Variants in SUGCT observed in about 807,000 individuals in gnomAD.
SUGCT encodes the protein succinyl-CoA:glutarate CoA-transferase.
Under a neutral mutation model 55.0 loss-of-function variants are expected in SUGCT, and 41 were observed. That is an observed-to-expected ratio of 0.74 (90% CI 0.58 to 0.97). The LOEUF (loss-of-function observed/expected upper bound fraction) is 0.97. Ranked by LOEUF, SUGCT falls within the 50% of genes least tolerant of loss-of-function variation. SUGCT has a pLI of 0.00. For missense variants in SUGCT, 568 were observed against 547.8 expected (o/e 1.04, Z -0.37); for synonymous variants, 187 against 200.4 (o/e 0.93, Z 0.56).
intron 9 of SUGCT, among the ~76,000 whole-genome samples, chr7:40,404,783 A>G: frequency 6.6e-6 from 1 of 152,044 alleles, no homozygotes; most frequent in Non-Finnish European, 1.5e-5. Flanking sequence ...GGAGATTTTG[A>G]TCCATATTTT....
intron 12 of SUGCT, among the ~76,000 whole-genome samples, chr7:40,681,707 A>T (rs1041792970): frequency 2.6e-5 from 4 of 152,156 alleles, no homozygotes; most frequent in Admixed American, 2.6e-4. Flanking sequence ...TTTGACCTCA[A>T]AAGGCAGGAC....
Position 40,744,804 on chromosome 7 carries a change from T to G in SUGCT, c.1090-4630T>G, listed in dbSNP as rs936836861. ...CATTGTTATTTTTAACCTTAACATC[T>G]AATTTCAACATTATCTTTGTTCTCT... On this transcript the variant is annotated intron_variant, in intron 12 of 13. Coordinates refer to ENST00000335693, the MANE Select transcript of SUGCT (RefSeq NM_001193313.2). Among the ~76,000 whole-genome samples the G allele has an allele frequency of 8.5e-5, 13 of 152,342 alleles. No homozygotes were observed. In the East Asian group the frequency reaches 2.5e-3, roughly 29 times the overall value.
chr7:40,182,273 G>A (rs1348399265), intron 3 of SUGCT, among the ~76,000 whole-genome samples: 1 of 152,044 alleles, frequency 6.6e-6, no homozygotes, highest in African/African-American at 2.4e-5. Flanking sequence ...GAAGGCTTTT[G>A]TTAGAAGCTG....
intron 6 of SUGCT, among the ~76,000 whole-genome samples, chr7:40,227,505 C>T (rs1377718148): frequency 6.6e-6 from 1 of 152,168 alleles, no homozygotes; most frequent in Admixed American, 6.5e-5. Context: ...GCTAGGACTA[C>T]ATGTGTGTGC....
At chr7:40,691,702 CA>C (rs1784707337) in intron 12 of SUGCT, among the ~76,000 whole-genome samples, 1 of 152,148 alleles carries the variant, frequency 6.6e-6, no homozygotes. Flanking sequence ...AATGGAAAGT[CA>C]AATGGATGTC....
intron 12 of SUGCT, among the ~76,000 whole-genome samples, chr7:40,662,994 T>C (rs1305488476): frequency 6.6e-6 from 1 of 152,190 alleles, no homozygotes; most frequent in Admixed American, 6.5e-5. Flanking sequence ...CAATTATAAC[T>C]GAGAATTCAA....
At chr7:40,841,341 T>A (rs1353101480) in intron 13 of SUGCT, among the ~76,000 whole-genome samples, 1 of 152,116 alleles carries the variant, frequency 6.6e-6, no homozygotes, top group African/African-American at 2.4e-5. Flanking sequence ...GACCTAAGAG[T>A]ATTTATATTT....
At chr7:40,776,141 C>G (rs1224797635) in intron 13 of SUGCT, among the ~76,000 whole-genome samples, 1 of 152,168 alleles carries the variant, frequency 6.6e-6, no homozygotes, top group Non-Finnish European at 1.5e-5. Context: ...ATCCACGTGT[C>G]TGAGAACTAA....
intron 1 of SUGCT, among the ~76,000 whole-genome samples, chr7:40,171,105 G>A (rs1383008457): frequency 6.6e-6 from 1 of 152,176 alleles, no homozygotes; most frequent in Admixed American, 6.6e-5. Context: ...GCCCACTAGG[G>A]CCTTTGTCCT....
intron 9 of SUGCT, among the ~76,000 whole-genome samples, chr7:40,344,421 C>A (rs1797209877): frequency 6.6e-6 from 1 of 151,930 alleles, no homozygotes; most frequent in South Asian, 2.1e-4. Flanking sequence ...TTTATGTGAC[C>A]CATGAGCTAC....
In SUGCT at chr7:40,394,389, C is replaced by G. The variant is rs1785605130; in HGVS notation, c.817-54898C>G. On this transcript the variant is annotated intron_variant, in intron 9 of 13. Coordinates refer to ENST00000335693, the MANE Select transcript of SUGCT (RefSeq NM_001193313.2). ...CCCTGTTGCAACTACTTAATTCACACTGCAAAAGGAACATAGATAATAGAT... is the reference window on the plus strand; with the variant it reads ...CCCTGTTGCAACTACTTAATTCACAGTGCAAAAGGAACATAGATAATAGAT... 2.0e-5 allele frequency among the ~76,000 whole-genome samples: 3 copies of G among 152,142 alleles called. No homozygotes were observed. In the East Asian group the frequency reaches 5.8e-4, roughly 29 times the overall value.
intron 1 of SUGCT, among the ~76,000 whole-genome samples, chr7:40,144,337 AAG>A (rs1788138259): frequency 6.7e-6 from 1 of 150,118 alleles, no homozygotes; most frequent in African/African-American, 2.5e-5. Flanking sequence ...GGAAAGAAGA[AAG>A]AGTAATAGAA....
intron 6 of SUGCT, among the ~76,000 whole-genome samples, chr7:40,213,974 A>T (rs1787485721): frequency 6.6e-6 from 1 of 152,108 alleles, no homozygotes; most frequent in African/African-American, 2.4e-5. Flanking sequence ...TATCTCATGG[A>T]ATCCTCAAGA....
intron 12 of SUGCT, among the ~76,000 whole-genome samples, chr7:40,634,824 G>A (rs902611963): frequency 1.3e-5 from 2 of 152,166 alleles, no homozygotes; most frequent in Non-Finnish European, 2.9e-5. Flanking sequence ...GTAGTAAAAA[G>A]AGATTGTCAA....
intron 6 of SUGCT, among the ~76,000 whole-genome samples, chr7:40,198,408 T>G (rs1438831722): frequency 6.6e-6 from 1 of 152,226 alleles, no homozygotes; most frequent in Non-Finnish European, 1.5e-5. Flanking sequence ...ATTTTTGCCA[T>G]TTTCTTTCGC....
the SUGCT span, among the ~76,000 whole-genome samples, chr7:41,030,027 A>C: frequency 1.3e-5 from 2 of 152,214 alleles, no homozygotes; most frequent in Non-Finnish European, 2.9e-5. Context: ...GCCTGTTCAG[A>C]ATAGCATCTT....
At chr7:40,900,219 C>T in the SUGCT span, among the ~76,000 whole-genome samples, 1 of 152,230 alleles carries the variant, frequency 6.6e-6, no homozygotes, top group South Asian at 2.1e-4. Flanking sequence ...ATGCCCAGAG[C>T]AAACGCCGTG....
chr7:40,296,290 A>G (rs1209232988), intron 8 of SUGCT, among the ~76,000 whole-genome samples: 3 of 152,212 alleles, frequency 2.0e-5, no homozygotes, highest in Non-Finnish European at 4.4e-5. Flanking sequence ...AAAGTTAAAT[A>G]TTCGATTCCC....
intron 1 of SUGCT, among the ~76,000 whole-genome samples, chr7:40,149,618 A>G (rs1788443915): frequency 6.6e-6 from 1 of 152,162 alleles, no homozygotes; most frequent in Non-Finnish European, 1.5e-5. Flanking sequence ...CCCTGTCTCT[A>G]TTAAAAATAT....
Sources: gnomAD v4.1 joint callset for allele counts (sites outside exome capture counted in the v4.1 genomes callset) on GRCh38, gnomAD v4.1.1 for gene constraint, MANE v1.5 for transcripts, NCBI Gene and HGNC (gene_info 2026-07-23, HGNC 2026-07-21) for gene names.